ZNF236: variants seen among roughly 807,000 people sequenced by gnomAD.
The protein encoded by ZNF236 is regulated by glucose.
Under a neutral mutation model 191.2 loss-of-function variants are expected in ZNF236, and 50 were observed. That is an observed-to-expected ratio of 0.26 (90% CI 0.21 to 0.33). The LOEUF is 0.33. Among genes scored for constraint, ZNF236 ranks in the 10% least tolerant of loss-of-function variants. The probability of loss-of-function intolerance (pLI) is 1.00; values close to 1 mark genes in which losing one functional copy is unlikely to be tolerated. For missense variants in ZNF236, 1,754 were observed against 2,374.5 expected, an observed-to-expected ratio of 0.74 and a Z score of 5.43; for synonymous variants, 907 against 928.8, an observed-to-expected ratio of 0.98 and a Z score of 0.43.
chr18:76,843,476 G>A (rs1975572826), intron 1 of ZNF236, among the ~76,000 whole-genome samples: 1 of 152,104 alleles, frequency 6.6e-6, no homozygotes, highest in South Asian at 2.1e-4. Context: ...AAGTAGAAGG[G>A]AGTTTTAAAT....
In ZNF236 at chr18:76,902,614, C is replaced by T. The variant is rs535042100; in HGVS notation, c.1895-1766C>T. On this transcript the variant is annotated intron_variant, in intron 11 of 30. Transcript: ENST00000320610. ...TGAGACAGAGTCTCACTCTGTCACC[C>T]AGGCTGGAGTGCAATGGTACGATCT... 5.3e-4 allele frequency among the ~76,000 whole-genome samples: 80 copies of T among 152,216 alleles called. 1 individual carries two copies. Among genetic ancestry groups the T allele is most frequent in the African/African-American group, 1.9e-3 (79 of 41,522 alleles).
rs1967277829 is a variant in ZNF236 at position 76,913,635 on chromosome 18, A to G, written c.2910-112A>G. The G allele has an allele frequency of 3.5e-6, 4 of 1,129,612 alleles. No individual in the cohort carries two copies. The African/African-American group carries it at 4.6e-5, about 13-fold the overall frequency. The allele number at this position is 1,129,612 out of a possible 1,614,324, so 70.0% of individuals were successfully genotyped here. ...TAGGTTCTATAACAGTTGTGCCTAAATGTTTCATGGTTGTTGGTGAAGCTT... is the reference window on the plus strand; with the variant it reads ...TAGGTTCTATAACAGTTGTGCCTAAGTGTTTCATGGTTGTTGGTGAAGCTT... On this transcript the variant is annotated intron_variant, in intron 17 of 30. Coordinates refer to ENST00000320610, the MANE Select transcript of ZNF236 (RefSeq NM_001306089.2).
At chr18:76,892,263 T>C (rs1476071130) in intron 9 of ZNF236, among the ~76,000 whole-genome samples, 2 of 150,504 alleles carry the variant, frequency 1.3e-5, no homozygotes, top group Admixed American at 6.6e-5. Context: ...TGTTAGATTA[T>C]ATGGTAATAT....
At chr18:76,903,652 T>C (rs116395456) in intron 11 of ZNF236, among the ~76,000 whole-genome samples, 64 of 152,240 alleles carry the variant, frequency 4.2e-4, no homozygotes, top group African/African-American at 1.4e-3. Context: ...TGTCACCCTC[T>C]TAACGTTCCA....
chr18:76,960,641 TTTC>T lies in ZNF236; in HGVS notation c.5243-35_5243-33del, dbSNP rs748711305. The T allele has an allele frequency of 1.2e-6, 2 of 1,613,436 alleles. No homozygotes were observed. The highest frequency in any genetic ancestry group is 2.2e-5 in the South Asian group (2 of 91,042). ...GTAGAGCCCAGGCATCCACTATACT[TTTC>T]TTAGAGACATTGACATATGCCATTT... On this transcript the variant is annotated intron_variant, in intron 29 of 30. Coordinates refer to ENST00000320610, the MANE Select transcript of ZNF236 (RefSeq NM_001306089.2). The surrounding 1 kb of genome is among the most constrained non-coding windows in gnomAD (Gnocchi z 4.4).
At position 76,905,256 on chromosome 18, in the gene ZNF236, A is replaced by T; in HGVS notation, c.2138A>T (p.Lys713Ile). 6.2e-7 allele frequency: 1 copy of T among 1,614,242 alleles called. No individual in the cohort carries two copies. Residue 713 changes from lysine to isoleucine, a missense_variant, in exon 13 of 31, where the codon AAA (lysine) becomes ATA (isoleucine). By Grantham distance (102) the Lys-to-Ile change is moderately radical. This residue lies in a region of ZNF236 where 641 missense variants were observed against 869.6 expected (regional missense o/e 0.74). Coordinates refer to ENST00000320610, the MANE Select transcript of ZNF236 (RefSeq NM_001306089.2). ...CACATCAGAACACACACAGGACTGA[A>T]ATCTTTCAAGTGTCTGATATGTAAT... ...KAHIRTHTGL[K>I]SFKCLICNGA...
Position 76,970,356 on chromosome 18 carries a change from T to G in ZNF236, c.*2017T>G, listed in dbSNP as rs1253812718. 2 of 152,666 alleles carry G rather than the reference T, an allele frequency of 1.3e-5. No individual in the cohort carries two copies. The highest frequency in any genetic ancestry group is 2.9e-5 in the Non-Finnish European group (2 of 68,040). The allele number at this position is 152,666 out of a possible 1,614,324, so 9.5% of individuals were successfully genotyped here. On this transcript the variant is annotated 3_prime_UTR_variant, in exon 31 of 31. Coordinates refer to ENST00000320610, the MANE Select transcript of ZNF236 (RefSeq NM_001306089.2). The stretch of plus-strand genomic sequence containing the variant: ...TGTTTAAGGCCTTAACAGGTGAATC[T>G]AGAGCCTACTTTTATTTTGGTTAAA...
At chr18:76,847,946 T>C (rs1204902070) in intron 1 of ZNF236, among the ~76,000 whole-genome samples, 1 of 152,236 alleles carries the variant, frequency 6.6e-6, no homozygotes, top group Admixed American at 6.5e-5. Context: ...ATGTATGAAG[T>C]TGCAGTCTTT....
Position 76,925,217 on chromosome 18 carries a change from C to T in ZNF236, c.3690C>T (p.Cys1230=), listed in dbSNP as rs183899517. The change falls in exon 22 of 31, where the codon TGC becomes TGT. Residue 1230 remains cysteine (C), a synonymous_variant. Transcript: ENST00000320610. This position sits in a 1 kb window ranked among gnomAD's most constrained non-coding sequence, Gnocchi z 5.7. ...TGQKLFSCHV[C]SNAFSTKGSL... ...AGAAGCTCTTCAGCTGTCACGTCTG[C>T]AGCAACGCCTTCTCCACGAAGGGAA... The T allele has an allele frequency of 5.0e-3, 8,140 of 1,614,088 alleles. 21 individuals carry two copies. Among genetic ancestry groups the T allele is most frequent in the Non-Finnish European group, 6.0e-3 (7,066 of 1,179,958 alleles).
At chr18:76,882,316 GTCCTACC>G (rs1299580983) in intron 9 of ZNF236, among the ~76,000 whole-genome samples, 2 of 152,220 alleles carry the variant, frequency 1.3e-5, no homozygotes, top group African/African-American at 4.8e-5. Flanking sequence ...GCTTTTCCTT[GTCCTACC>G]TCCCACAGCA....
At chr18:76,826,021 C>T (rs1027151917) in intron 1 of ZNF236, among the ~76,000 whole-genome samples, 2 of 152,198 alleles carry the variant, frequency 1.3e-5, no homozygotes, top group Non-Finnish European at 2.9e-5. Flanking sequence ...GTTTTATTTT[C>T]TTTGTTGCCC....
intron 3 of ZNF236, among the ~76,000 whole-genome samples, chr18:76,868,327 A>G (rs941925234): frequency 6.6e-6 from 1 of 152,188 alleles, no homozygotes; most frequent in African/African-American, 2.4e-5. Flanking sequence ...GACCCTTTGT[A>G]GTGCTGAGGT....
intron 7 of ZNF236, among the ~76,000 whole-genome samples, chr18:76,878,799 G>A (rs989176397): frequency 5.3e-5 from 8 of 152,110 alleles, no homozygotes; most frequent in African/African-American, 7.2e-5. Context: ...CGAAAGTGTC[G>A]GAAGTTTTAA....
chr18:76,899,593 T>C (rs1977531598), intron 11 of ZNF236, among the ~76,000 whole-genome samples: 1 of 152,240 alleles, frequency 6.6e-6, no homozygotes, highest in Non-Finnish European at 1.5e-5. Context: ...CTTTAGGTTC[T>C]TTGTACTGTG....
chr18:76,945,248 GTTC>G (rs1200101411), intron 26 of ZNF236, among the ~76,000 whole-genome samples: 1 of 152,124 alleles, frequency 6.6e-6, no homozygotes, highest in Non-Finnish European at 1.5e-5. Context: ...GAGCCAATTG[GTTC>G]TTATGTGCAT....
Position 76,878,016 on chromosome 18 carries a change from A to C in ZNF236, c.848A>C (p.Asn283Thr). 1 of 1,584,246 alleles carries C rather than the reference A, an allele frequency of 6.3e-7. No homozygotes were observed. The highest frequency in any genetic ancestry group is 1.2e-5 in the South Asian group (1 of 85,104). ...HVQRVHSEVK[N>T]GPTYNCTECS... is the part of the protein sequence containing the mutation. ...TCCTTTTTATTCTTTAAGGTCAAGAATGGTCCTACCTATAACTGTACAGAA... is the reference window on the plus strand; with the variant it reads ...TCCTTTTTATTCTTTAAGGTCAAGACTGGTCCTACCTATAACTGTACAGAA... Residue 283 changes from asparagine (N) to threonine (T), a missense_variant, in exon 7 of 31, where the codon AAT becomes ACT. Asn to Thr is a moderately conservative substitution (Grantham distance 65, BLOSUM62 0). Coordinates refer to ENST00000320610, the MANE Select transcript of ZNF236 (RefSeq NM_001306089.2).
chr18:76,927,553 G>A lies in ZNF236; in HGVS notation c.4414+36G>A, dbSNP rs1967738749. The A allele has an allele frequency of 6.3e-7, 1 of 1,585,052 alleles. No individual in the cohort carries two copies. The highest frequency in any genetic ancestry group is 8.6e-7 in the Non-Finnish European group (1 of 1,165,248). On this transcript the variant is annotated intron_variant, in intron 24 of 30. Coordinates refer to ENST00000320610, the MANE Select transcript of ZNF236 (RefSeq NM_001306089.2). This position sits in a 1 kb window ranked among gnomAD's most constrained non-coding sequence, Gnocchi z 5.4. ...CTCACTTTTGCTTATTTTGACAGCTGGAGTTTCAGTTTCTTGCTTGTGATT... is the reference window on the plus strand; with the variant it reads ...CTCACTTTTGCTTATTTTGACAGCTAGAGTTTCAGTTTCTTGCTTGTGATT...
At chr18:76,947,184 A>T (rs1233438640) in intron 26 of ZNF236, among the ~76,000 whole-genome samples, 1 of 152,150 alleles carries the variant, frequency 6.6e-6, no homozygotes, top group Admixed American at 6.5e-5. Flanking sequence ...GAGTATTTCC[A>T]AGGCTCCTCC....
intron 1 of ZNF236, among the ~76,000 whole-genome samples, chr18:76,830,702 A>C (rs967918446): frequency 2.6e-5 from 4 of 152,178 alleles, no homozygotes; most frequent in Admixed American, 2.6e-4. Context: ...GTGTTGGGCC[A>C]TATTCAAAGC....
Sources: allele counts gnomAD v4.1 joint callset (sites outside exome capture counted in the v4.1 genomes callset), GRCh38; gene constraint gnomAD v4.1.1; regional missense constraint gnomAD v4.1.1; non-coding constraint Gnocchi (gnomAD v3.1); transcripts MANE v1.5; gene names NCBI Gene and HGNC (gene_info 2026-07-23, HGNC 2026-07-21).